The following MIR2052HG variants were observed in gnomAD, a reference collection of about 807,000 sequenced individuals.
MIR2052HG encodes MIR2052 host gene.
chr8:74,674,410 A>G (rs937557040), intron 2 of MIR2052HG, among the ~76,000 whole-genome samples: 1 of 151,988 alleles, frequency 6.6e-6, no homozygotes, highest in Non-Finnish European at 1.5e-5. Flanking sequence ...ATGATTAACT[A>G]TTTAAAGAGC....
chr8:74,747,953 T>A (rs888040234), intron 4 of MIR2052HG, among the ~76,000 whole-genome samples: 26 of 152,312 alleles, frequency 1.7e-4, no homozygotes, highest in African/African-American at 6.0e-4. Flanking sequence ...AGTATATGCA[T>A]ACATTTCAAA....
intron 2 of MIR2052HG, among the ~76,000 whole-genome samples, chr8:74,654,030 C>T (rs529661050): frequency 2.6e-5 from 4 of 152,136 alleles, no homozygotes; most frequent in Non-Finnish European, 5.9e-5. Context: ...CAAATAGAGG[C>T]ACCTCAGGAC....
chr8:74,618,878 C>G (rs953844240), intron 2 of MIR2052HG, among the ~76,000 whole-genome samples: 1 of 152,124 alleles, frequency 6.6e-6, no homozygotes, highest in Non-Finnish European at 1.5e-5. Context: ...ATGACATGCT[C>G]TTATATAAAA....
At chr8:74,684,353 C>T (rs577691832) in intron 2 of MIR2052HG, among the ~76,000 whole-genome samples, 22 of 152,052 alleles carry the variant, frequency 1.4e-4, no homozygotes, top group African/African-American at 3.6e-4. Context: ...AACCAAACTA[C>T]GCAAACATAT....
intron 4 of MIR2052HG, among the ~76,000 whole-genome samples, chr8:74,708,686 A>G (rs1809434793): frequency 6.6e-6 from 1 of 152,080 alleles, no homozygotes; most frequent in Non-Finnish European, 1.5e-5. Context: ...AATATAATGT[A>G]TAAATTACAC....
chr8:74,707,085 C>A (rs1476512257), intron 4 of MIR2052HG, among the ~76,000 whole-genome samples: 1 of 152,098 alleles, frequency 6.6e-6, no homozygotes, highest in African/African-American at 2.4e-5. Flanking sequence ...TAACTACATT[C>A]TAAGCCTGTG....
At chr8:74,619,451 C>T (rs1446182922) in intron 2 of MIR2052HG, among the ~76,000 whole-genome samples, 1 of 152,166 alleles carries the variant, frequency 6.6e-6, no homozygotes, top group African/African-American at 2.4e-5. Flanking sequence ...TATTCACACA[C>T]TGCTATGAAG....
intron 4 of MIR2052HG, among the ~76,000 whole-genome samples, chr8:74,726,649 A>C (rs1379149047): frequency 1.3e-5 from 2 of 152,228 alleles, no homozygotes; most frequent in South Asian, 2.1e-4. Context: ...TCCTTGTACT[A>C]GGATGGTTTA....
At chr8:74,700,253 C>T (rs554898213) in intron 2 of MIR2052HG, among the ~76,000 whole-genome samples, 41 of 152,262 alleles carry the variant, frequency 2.7e-4, no homozygotes, top group African/African-American at 8.7e-4. Context: ...ATATCTACAA[C>T]AGGGAAACCT....
intron 2 of MIR2052HG, among the ~76,000 whole-genome samples, chr8:74,660,708 A>T (rs1312401000): frequency 6.6e-6 from 1 of 152,210 alleles, no homozygotes; most frequent in Non-Finnish European, 1.5e-5. Flanking sequence ...AAACAACAAC[A>T]TCATCAATTA....
At chr8:74,601,434 C>A (rs1408225099) in intron 1 of MIR2052HG, among the ~76,000 whole-genome samples, 1 of 152,092 alleles carries the variant, frequency 6.6e-6, no homozygotes, top group African/African-American at 2.4e-5. Flanking sequence ...TGCTTGACTC[C>A]CTCATCTGTA....
intron 4 of MIR2052HG, among the ~76,000 whole-genome samples, chr8:74,706,401 T>G (rs1563536367): frequency 6.6e-6 from 1 of 152,024 alleles, no homozygotes; most frequent in Non-Finnish European, 1.5e-5. Context: ...GTAATCTAAG[T>G]AAAATCAAGT....
chr8:74,729,279 A>T (rs1809666797), intron 4 of MIR2052HG, among the ~76,000 whole-genome samples: 1 of 152,132 alleles, frequency 6.6e-6, no homozygotes, highest in Non-Finnish European at 1.5e-5. Context: ...CAAAAGTTAG[A>T]CAGGAAAGGC....
chr8:74,735,247 TC>T (rs1809733646), intron 4 of MIR2052HG, among the ~76,000 whole-genome samples: 1 of 152,220 alleles, frequency 6.6e-6, no homozygotes, highest in Non-Finnish European at 1.5e-5. Flanking sequence ...CTTCCTTCTC[TC>T]CTGTCCTCCT....
At chr8:74,633,632 G>T (rs1808547167) in intron 2 of MIR2052HG, among the ~76,000 whole-genome samples, 1 of 152,198 alleles carries the variant, frequency 6.6e-6, no homozygotes, top group Non-Finnish European at 1.5e-5. Flanking sequence ...TAGGCTCAAT[G>T]TACTACTAGT....
chr8:74,640,974 A>G (rs1319484711), intron 2 of MIR2052HG, among the ~76,000 whole-genome samples: 1 of 152,224 alleles, frequency 6.6e-6, no homozygotes, highest in Non-Finnish European at 1.5e-5. Flanking sequence ...GTGTTCTTGG[A>G]GTGAACTGTA....
intron 4 of MIR2052HG, among the ~76,000 whole-genome samples, chr8:74,730,554 A>G (rs892605023): frequency 2.6e-5 from 4 of 152,206 alleles, no homozygotes; most frequent in African/African-American, 9.6e-5. Context: ...TATAAGCAGC[A>G]AGACTCCAGT....
chr8:74,669,765 C>T (rs1808970700), intron 2 of MIR2052HG, among the ~76,000 whole-genome samples: 1 of 152,138 alleles, frequency 6.6e-6, no homozygotes, highest in Non-Finnish European at 1.5e-5. Flanking sequence ...TCTTCTCCTC[C>T]CTTGGATCTC....
chr8:74,665,640 C>T (rs1808914688), intron 2 of MIR2052HG, among the ~76,000 whole-genome samples: 1 of 152,122 alleles, frequency 6.6e-6, no homozygotes, highest in African/African-American at 2.4e-5. Flanking sequence ...TTTACCTCTC[C>T]ATTTTATTTT....
Sources: allele counts gnomAD v4.1 joint callset (sites outside exome capture counted in the v4.1 genomes callset), GRCh38; gene constraint gnomAD v4.1.1; transcripts MANE v1.5; gene names NCBI Gene and HGNC (gene_info 2026-07-23, HGNC 2026-07-21).